The following LYRM4 variants were observed in gnomAD, a reference collection of about 807,000 sequenced individuals.
LYRM4 encodes LYR motif containing 4.
LYRM4 carries 9 observed loss-of-function variants against 11.7 expected under a neutral mutation model. That is an observed-to-expected ratio of 0.77 (90% CI 0.46 to 1.34). The LOEUF (loss-of-function observed/expected upper bound fraction) is 1.34. Among genes scored for constraint, LYRM4 ranks in the 40% most tolerant of loss-of-function variants. The pLI, the probability that LYRM4 is intolerant of heterozygous loss-of-function variation, is 0.00. For missense variants in LYRM4, 133 were observed against 112.5 expected (o/e 1.18, Z -0.82); for synonymous variants, 42 against 40.4 (o/e 1.04, Z -0.15).
intron 2 of LYRM4, among the ~76,000 whole-genome samples, chr6:5,212,462 C>G (rs1048342814): frequency 6.6e-6 from 1 of 152,152 alleles, no homozygotes; most frequent in Non-Finnish European, 1.5e-5. Context: ...GCTATTTGCC[C>G]AAGCCTACAA....
chr6:5,148,394 C>T (rs1189356545), intron 2 of LYRM4: 1 of 13,272 alleles, frequency 7.5e-5, no homozygotes, highest in African/African-American at 4.2e-4. Flanking sequence ...GTGACACCCA[C>T]AGATCAGCAG....
intron 2 of LYRM4, among the ~76,000 whole-genome samples, chr6:5,169,485 G>A (rs1325694913): frequency 7.2e-5 from 11 of 152,284 alleles, no homozygotes; most frequent in Middle Eastern, 3.4e-3. Flanking sequence ...GTGGAACTGA[G>A]CAGATAACTA....
At chr6:5,181,054 T>TC (rs1561853107) in intron 2 of LYRM4, among the ~76,000 whole-genome samples, 1 of 152,226 alleles carries the variant, frequency 6.6e-6, no homozygotes, top group African/African-American at 2.4e-5. Flanking sequence ...TTTAATTTTT[T>TC]GAAAGGATCA....
the LYRM4 span, among the ~76,000 whole-genome samples, chr6:5,089,905 AT>A: frequency 6.6e-6 from 1 of 152,216 alleles, no homozygotes; most frequent in African/African-American, 2.4e-5. Context: ...ATGCAGTGAA[AT>A]GTAAAGGTAA....
At chr6:5,258,622 C>A (rs1477972838) in intron 1 of LYRM4, among the ~76,000 whole-genome samples, 1 of 152,114 alleles carries the variant, frequency 6.6e-6, no homozygotes, top group African/African-American at 2.4e-5. Context: ...ATTTTTATAA[C>A]AAGTAAGTTT....
intron 2 of LYRM4, among the ~76,000 whole-genome samples, chr6:5,164,027 T>C (rs1224002498): frequency 6.6e-6 from 1 of 152,200 alleles, no homozygotes; most frequent in African/African-American, 2.4e-5. Flanking sequence ...ATCATCTCGT[T>C]AGAGAAATTC....
chr6:5,245,767 G>A (rs751836974), intron 1 of LYRM4, among the ~76,000 whole-genome samples: 1 of 152,230 alleles, frequency 6.6e-6, no homozygotes, highest in Non-Finnish European at 1.5e-5. Context: ...GTATGGGGCT[G>A]TGAACTTACA....
intron 2 of LYRM4, among the ~76,000 whole-genome samples, chr6:5,130,161 A>C (rs458283): frequency 6.6e-6 from 1 of 152,204 alleles, no homozygotes; most frequent in African/African-American, 2.4e-5. Flanking sequence ...TGGGGGAGAC[A>C]CTGGTGTGAG....
In LYRM4 at chr6:5,196,499, G is replaced by A. The variant is rs181756608; in HGVS notation, c.207+20119C>T. 5.9e-5 allele frequency among the ~76,000 whole-genome samples: 9 copies of A among 152,278 alleles called. No homozygotes were observed. In the South Asian group the frequency reaches 1.0e-3, roughly 18 times the overall value. ...CTCTGGGCAAGTAACTGCAGCTCAC[G>A]AAGCTTCCTCACAGTTTCCTCTTCT... On this transcript the variant is annotated intron_variant, in intron 2 of 2. Coordinates refer to ENST00000330636, the MANE Select transcript of LYRM4 (RefSeq NM_020408.6).
At chr6:5,120,002 C>T (rs1303018968) in intron 2 of LYRM4, among the ~76,000 whole-genome samples, 1 of 151,840 alleles carries the variant, frequency 6.6e-6, no homozygotes, top group African/African-American at 2.4e-5. Flanking sequence ...TCAAGCGATT[C>T]TTCTGCCTCA....
Position 5,159,772 on chromosome 6 carries a change from T to C in LYRM4, c.208-50281A>G, listed in dbSNP as rs541384396. Reference sequence around the variant, plus strand: ...TTTATGGGACTTCCTCAGTTCACAGTTCTTGATACTTCCTTTAACCTCAAA... The same window carrying C: ...TTTATGGGACTTCCTCAGTTCACAGCTCTTGATACTTCCTTTAACCTCAAA... On this transcript the variant is annotated intron_variant, in intron 2 of 2. Transcript: ENST00000330636. 3.3e-5 allele frequency among the ~76,000 whole-genome samples: 5 copies of C among 152,356 alleles called. No homozygotes were observed. In the South Asian group the frequency reaches 8.3e-4, roughly 25 times the overall value.
At chr6:5,071,188 C>CAAA in the LYRM4 span, among the ~76,000 whole-genome samples, 1 of 146,874 alleles carries the variant, frequency 6.8e-6, no homozygotes, top group Admixed American at 6.8e-5. Flanking sequence ...GACTCTGTCT[C>CAAA]AAAAAAAAAA....
intron 2 of LYRM4, among the ~76,000 whole-genome samples, chr6:5,206,928 T>C (rs1241502584): frequency 6.6e-6 from 1 of 152,102 alleles, no homozygotes; most frequent in Non-Finnish European, 1.5e-5. Flanking sequence ...CTAGGGAAGA[T>C]ATACAATTTC....
At chr6:5,112,927 GGAGAAGGCA>G (rs1762950448) in intron 2 of LYRM4, 1 of 158,168 alleles carries the variant, frequency 6.3e-6, no homozygotes, top group African/African-American at 2.4e-5. Flanking sequence ...GGATGGGGGT[GGAGAAGGCA>G]GAGAAGAGAG....
At chr6:5,221,764 A>C (rs1182034814) in intron 1 of LYRM4, among the ~76,000 whole-genome samples, 1 of 152,216 alleles carries the variant, frequency 6.6e-6, no homozygotes, top group African/African-American at 2.4e-5. Context: ...CAGGTAGGAG[A>C]ATCTTCATGC....
At chr6:5,200,261 G>A (rs1299682617) in intron 2 of LYRM4, among the ~76,000 whole-genome samples, 1 of 152,124 alleles carries the variant, frequency 6.6e-6, no homozygotes, top group African/African-American at 2.4e-5. Flanking sequence ...CTAGAAAAAT[G>A]CCTCCCAAAG....
chr6:5,130,420 G>A (rs184467694), intron 2 of LYRM4, among the ~76,000 whole-genome samples: 1,800 of 152,354 alleles, frequency 0.012, 18 homozygotes, highest in Middle Eastern at 0.027. Flanking sequence ...TGGGAACAGG[G>A]AGACTGGCAG....
chr6:5,227,838 A>C (rs1762981741), intron 1 of LYRM4, among the ~76,000 whole-genome samples: 1 of 152,228 alleles, frequency 6.6e-6, no homozygotes, highest in Non-Finnish European at 1.5e-5. Flanking sequence ...TTGCAGGGAC[A>C]TGGATGAAGC....
chr6:5,142,877 C>T (rs1757482507), intron 2 of LYRM4, among the ~76,000 whole-genome samples: 1 of 152,230 alleles, frequency 6.6e-6, no homozygotes, highest in Non-Finnish European at 1.5e-5. Context: ...AGAGCGCAGC[C>T]ATCCCCAGCC....
Sources: gnomAD v4.1 joint callset for allele counts (sites outside exome capture counted in the v4.1 genomes callset) on GRCh38, gnomAD v4.1.1 for gene constraint, MANE v1.5 for transcripts, NCBI Gene and HGNC (gene_info 2026-07-23, HGNC 2026-07-21) for gene names.